Variants in MACF1 observed in about 807,000 individuals in gnomAD.
The protein encoded by MACF1 is microtubule-actin cross-linking factor 1.
Under a neutral mutation model 854.8 loss-of-function variants are expected in MACF1, and 193 were observed. The ratio of observed to expected loss-of-function variants is 0.23; its 90% CI spans 0.20 to 0.25. The LOEUF is 0.25. MACF1 is among the 10% of genes least tolerant of loss of function. The pLI, the probability that MACF1 is intolerant of heterozygous loss-of-function variation, is 1.00. For synonymous variants in MACF1, 3,185 were observed against 3,226.7 expected (o/e 0.99, Z 0.44); for missense variants, 7,722 against 8,929.1 (o/e 0.86, Z 5.45).
At chr1:39,300,484 A>T in intron 22 of MACF1, 122 bp downstream of exon 22, 1 of 1,020,300 alleles carries the variant, frequency 9.8e-7, no homozygotes, top group Non-Finnish European at 1.4e-6. Context: ...GAATTTAAAC[A>T]TGCTGAAGTC....
chr1:39,429,208 C>T lies in MACF1; in HGVS notation c.16804-34C>T, dbSNP rs369834009. ...GCATTTTGTTTCATTTGTAGTGCCACAGTTTCAGGATTAATGGTATTCTTT... is the reference window on the plus strand; with the variant it reads ...GCATTTTGTTTCATTTGTAGTGCCATAGTTTCAGGATTAATGGTATTCTTT... On this transcript the variant is annotated intron_variant, in intron 63 of 100. Transcript: ENST00000564288. 101 of 1,099,994 alleles carry T rather than the reference C, an allele frequency of 9.2e-5. No individual in the cohort carries two copies. In the African/African-American group the frequency reaches 1.5e-3, roughly 16 times the overall value. The allele number at this position is 1,099,994 out of a possible 1,614,324, so 68.1% of individuals were successfully genotyped here.
At chr1:39,382,599 G>C (rs564472944) in intron 56 of MACF1, among the ~76,000 whole-genome samples, 57 of 151,694 alleles carry the variant, frequency 3.8e-4, no homozygotes, top group Non-Finnish European at 4.1e-4. Flanking sequence ...AGCTACTTGG[G>C]AGGCTGAGGC....
In MACF1 at chr1:39,358,639, G is replaced by C. The variant is rs1324021866; in HGVS notation, c.11944-58G>C. Reference sequence around the variant, plus strand: ...AAAGCCAGGCCTCTTTCTTTGGGCAGCTGCTGCCTTTGGCCTGACCTTGCT... The same window carrying C: ...AAAGCCAGGCCTCTTTCTTTGGGCACCTGCTGCCTTTGGCCTGACCTTGCT... On this transcript the variant is annotated intron_variant, in intron 45 of 100. Coordinates refer to ENST00000564288, the MANE Select transcript of MACF1 (RefSeq NM_001394062.1). The C allele has an allele frequency of 3.9e-6, 6 of 1,546,758 alleles. No homozygotes were observed. In the African/African-American group the frequency reaches 6.9e-5, roughly 18 times the overall value.
At chr1:39,449,813 C>G (rs571623872) in intron 84 of MACF1, among the ~76,000 whole-genome samples, 28 of 151,808 alleles carry the variant, frequency 1.8e-4, no homozygotes, top group African/African-American at 6.8e-4. Flanking sequence ...ACCTCAGCCT[C>G]TTGAGTAGCT....
chr1:39,437,112 ACT>A (rs1643996357), intron 70 of MACF1, among the ~76,000 whole-genome samples: 1 of 151,940 alleles, frequency 6.6e-6, no homozygotes, highest in Admixed American at 6.6e-5. Flanking sequence ...TGACATACTG[ACT>A]CTCAGCAGTT....
intron 97 of MACF1, among the ~76,000 whole-genome samples, chr1:39,470,134 A>G (rs184266978): frequency 1.2e-4 from 18 of 152,350 alleles, no homozygotes; most frequent in African/African-American, 4.3e-4. Flanking sequence ...AGGTTTATTT[A>G]TAAACCTAGC....
chr1:39,463,894 T>C (rs1365229041), intron 94 of MACF1: 2 of 459,678 alleles, frequency 4.4e-6, no homozygotes, highest in African/African-American at 3.9e-5. Flanking sequence ...GTAGTTTGTA[T>C]TTAAGTTTTA....
rs141369046 is a variant in MACF1, at chr1:39,129,942, T to C, written c.220+45504T>C. 1.5e-3 allele frequency among the ~76,000 whole-genome samples: 223 copies of C among 152,314 alleles called. 1 individual carries two copies. The highest frequency in any genetic ancestry group is 5.1e-3 in the African/African-American group (211 of 41,564). On this transcript the variant is annotated intron_variant, in intron 2 of 93. Coordinates refer to the MACF1 transcript ENST00000361689. Reference sequence around the variant, plus strand: ...GGAGAGGAAAGGAAATGGAGTTTGATGGTTTTAACTCTTCTGTGGCTGTGG... The same window carrying C: ...GGAGAGGAAAGGAAATGGAGTTTGACGGTTTTAACTCTTCTGTGGCTGTGG...
At chr1:39,269,706 T>C in intron 6 of MACF1, 7 of 1,289,606 alleles carry the variant, frequency 5.4e-6, no homozygotes, top group Non-Finnish European at 7.1e-6. Flanking sequence ...CACCCCATCA[T>C]GGGGTCTGGA....
intron 2 of MACF1, among the ~76,000 whole-genome samples, chr1:39,143,780 T>C (rs1643399979): frequency 6.6e-6 from 1 of 152,186 alleles, no homozygotes; most frequent in Non-Finnish European, 1.5e-5. Flanking sequence ...TCTTTTCTTT[T>C]CTTTCCTTTT....
chr1:39,435,818 T>G lies in MACF1; in HGVS notation c.17988+57T>G. ...ATTGTCTACTGTTCTAAACAAGAGG[T>G]CTCTGTATCAGGTATGTCTCTGTGC... On this transcript the variant is annotated intron_variant, in intron 70 of 100. Coordinates refer to ENST00000564288, the MANE Select transcript of MACF1 (RefSeq NM_001394062.1). The G allele has an allele frequency of 4.7e-6, 7 of 1,500,270 alleles. No individual in the cohort carries two copies. In the South Asian group the frequency reaches 6.9e-5, roughly 15 times the overall value. The allele number at this position is 1,500,270 out of a possible 1,614,324, so 92.9% of individuals were successfully genotyped here.
Position 39,424,160 on chromosome 1 carries a change from A to G in MACF1, c.16282A>G (p.Arg5428Gly). The G allele has an allele frequency of 6.2e-7, 1 of 1,613,728 alleles. No homozygotes were observed. Among genetic ancestry groups the G allele is most frequent in the Non-Finnish European group, 8.5e-7 (1 of 1,179,922 alleles). The change falls in exon 61 of 101, where the codon AGA (arginine) becomes GGA (glycine). Residue 5428 changes from arginine to glycine, a missense_variant. Coordinates refer to ENST00000564288, the MANE Select transcript of MACF1 (RefSeq NM_001394062.1). ...ITGQLESLES[R>G]WTELLSKAAA... ...TGGACAGCTGGAGAGTCTTGAAAGT[A>G]GATGGACTGAACTACTCAGTAAGGC...
rs769349363 is a variant in MACF1 at position 39,335,424 on chromosome 1, G to A, written c.8836G>A (p.Val2946Ile). Reference protein sequence around the residue: ...RENQGEVILEVQETYCETSGK... With the variant: ...RENQGEVILEIQETYCETSGK... ...AAATCAAGGGGAAGTGATTTTGGAA[G>A]TACAAGAAACATATTGTGAAACGTC... The change falls in exon 37 of 101, where the codon GTA becomes ATA. Residue 2946 changes from valine to isoleucine, a missense_variant. Val to Ile is a conservative substitution (Grantham distance 29). Coordinates refer to ENST00000564288, the MANE Select transcript of MACF1 (RefSeq NM_001394062.1). The A allele has an allele frequency of 3.1e-6, 5 of 1,614,200 alleles. No individual in the cohort carries two copies. Among genetic ancestry groups the A allele is most frequent in the African/African-American group, 1.3e-5 (1 of 75,062 alleles).
chr1:39,382,211 C>T, intron 56 of MACF1, 59 bp downstream of exon 56: 3 of 1,480,966 alleles, frequency 2.0e-6, no homozygotes, highest in South Asian at 2.3e-5. Context: ...GAATGTTTCT[C>T]CCAGTAAGTA....
chr1:39,175,835 C>G (rs531914490), intron 2 of MACF1, among the ~76,000 whole-genome samples: 3 of 150,528 alleles, frequency 2.0e-5, no homozygotes, highest in African/African-American at 7.3e-5. Flanking sequence ...CAGTGGCTCA[C>G]GCCTGTAATC....
At chr1:39,224,105 T>G (rs1457592636) in intron 1 of MACF1, among the ~76,000 whole-genome samples, 1 of 152,232 alleles carries the variant, frequency 6.6e-6, no homozygotes, top group Non-Finnish European at 1.5e-5. Flanking sequence ...AAACTATGGA[T>G]GTTCATTAAA....
intron 6 of MACF1, among the ~76,000 whole-genome samples, chr1:39,260,741 A>C (rs1409506806): frequency 6.6e-6 from 1 of 152,108 alleles, no homozygotes; most frequent in Non-Finnish European, 1.5e-5. Flanking sequence ...CAACAACAAC[A>C]AACAAACAAA....
rs192628587 is a variant in MACF1, at chr1:39,137,114, C to T, written c.220+52676C>T. Among the ~76,000 whole-genome samples, 308 of 152,250 alleles carry T rather than the reference C, an allele frequency of 2.0e-3. 2 individuals carry two copies. Among genetic ancestry groups the T allele is most frequent in the African/African-American group, 7.1e-3 (295 of 41,542 alleles). ...GAGACAGAGCCCCCTCTGTTGCCCA[C>T]GTTGGAATGCAGTGGTGCGATCTTG... On this transcript the variant is annotated intron_variant, in intron 2 of 93. Coordinates refer to the MACF1 transcript ENST00000361689.
intron 60 of MACF1, 95 bp downstream of exon 60, chr1:39,422,995 A>G (rs992491332): frequency 9.9e-6 from 11 of 1,116,284 alleles, no homozygotes; most frequent in Middle Eastern, 2.1e-4. Context: ...CAGGAGTTTT[A>G]GTAGAATCCT....
Sources: allele counts gnomAD v4.1 joint callset (sites outside exome capture counted in the v4.1 genomes callset), GRCh38; gene constraint gnomAD v4.1.1; transcripts MANE v1.5; gene names NCBI Gene and HGNC (gene_info 2026-07-23, HGNC 2026-07-21).